Variants in PLXDC2 observed in about 807,000 individuals in gnomAD.
PLXDC2 encodes the protein plexin domain containing 2, also known as plexin domain-containing protein 2.
A neutral mutation model predicts 68.9 loss-of-function variants in PLXDC2; 40 were observed. The observed-to-expected ratio is 0.58, with a 90% CI of 0.45 to 0.76. The LOEUF (loss-of-function observed/expected upper bound fraction) is 0.76, where lower values mean the gene tolerates loss of function less well. Ranked by LOEUF, PLXDC2 falls within the 30% of genes least tolerant of loss-of-function variation. The pLI is 0.00. For synonymous variants in PLXDC2, 243 were observed against 234.2 expected (o/e 1.04, Z -0.34); for missense variants, 644 against 661.9 (o/e 0.97, Z 0.30).
chr10:20,227,474 A>C (rs930245560), intron 12 of PLXDC2, among the ~76,000 whole-genome samples: 1 of 152,180 alleles, frequency 6.6e-6, no homozygotes, highest in Non-Finnish European at 1.5e-5. Context: ...AAAGAGGTTC[A>C]GAAGCATGAA....
At chr10:20,261,971 C>T (rs1351724832) in intron 13 of PLXDC2, among the ~76,000 whole-genome samples, 1 of 152,188 alleles carries the variant, frequency 6.6e-6, no homozygotes, top group Non-Finnish European at 1.5e-5. Context: ...CTAGAAGCAG[C>T]CAGTGTGCAT....
chr10:20,219,145 G>T (rs1251862688), intron 12 of PLXDC2, 43 bp downstream of exon 12: 42 of 1,562,096 alleles, frequency 2.7e-5, no homozygotes, highest in Non-Finnish European at 3.7e-5. Flanking sequence ...TTTTAAATAT[G>T]AATTCATTTC....
chr10:20,183,520 T>C (rs1286861914), intron 9 of PLXDC2, among the ~76,000 whole-genome samples: 1 of 151,906 alleles, frequency 6.6e-6, no homozygotes, highest in Non-Finnish European at 1.5e-5. Context: ...CTGTTACTGT[T>C]TATTATGGAC....
At chr10:19,950,614 T>C (rs1833976440) in intron 1 of PLXDC2, among the ~76,000 whole-genome samples, 1 of 152,198 alleles carries the variant, frequency 6.6e-6, no homozygotes, top group Non-Finnish European at 1.5e-5. Flanking sequence ...CCTATGAAAC[T>C]ACCAATGACA....
rs187134814 is a variant in PLXDC2 at position 20,204,942 on chromosome 10, G to A, written c.1062-6727G>A. On this transcript the variant is annotated intron_variant, in intron 9 of 13. Transcript: ENST00000377252. ...AAATTCTTCATGGATGTTTCATTTCGCTGGTGGAATGAAACATGTTCAATT... is the reference window on the plus strand; with the variant it reads ...AAATTCTTCATGGATGTTTCATTTCACTGGTGGAATGAAACATGTTCAATT... Among the ~76,000 whole-genome samples, 10 of 152,160 alleles carry A rather than the reference G, an allele frequency of 6.6e-5. 1 individual carries two copies. In the South Asian group the frequency reaches 1.0e-3, roughly 16 times the overall value.
At chr10:20,192,728 A>G (rs1046610268) in intron 9 of PLXDC2, among the ~76,000 whole-genome samples, 1 of 152,106 alleles carries the variant, frequency 6.6e-6, no homozygotes, top group African/African-American at 2.4e-5. Context: ...TGATGTTAAC[A>G]TTTTAGAAAA....
At chr10:19,919,806 A>G (rs144977219) in intron 1 of PLXDC2, among the ~76,000 whole-genome samples, 1 of 152,348 alleles carries the variant, frequency 6.6e-6, no homozygotes, top group East Asian at 1.9e-4. Flanking sequence ...ACACAACACA[A>G]CAAGGTGATT....
rs1275784659 is a variant in PLXDC2, at chr10:20,082,056, AAAAAAATC to A, written c.541+13824_541+13831del. Among the ~76,000 whole-genome samples the A allele has an allele frequency of 5.9e-4, 84 of 142,006 alleles. 13 individuals carry two copies. The highest frequency in any genetic ancestry group is 1.6e-3 in the African/African-American group (62 of 37,838). The allele number at this position is 142,006 out of a possible 152,430, so 93.2% of individuals were successfully genotyped here. ...GTGAAACTCCATCTGAAAAAAAAAA[AAAAAAATC>A]AAAAAAAAAAAACAGGAGAAGTCTG... On this transcript the variant is annotated intron_variant, in intron 4 of 13. Transcript: ENST00000377252.
intron 1 of PLXDC2, among the ~76,000 whole-genome samples, chr10:19,955,598 T>C (rs1349693201): frequency 6.6e-6 from 1 of 152,054 alleles, no homozygotes; most frequent in African/African-American, 2.4e-5. Context: ...TAATATACAA[T>C]GGTTTTAGGG....
At chr10:19,819,677 CT>C (rs1836428171) in intron 1 of PLXDC2, among the ~76,000 whole-genome samples, 1 of 152,150 alleles carries the variant, frequency 6.6e-6, no homozygotes, top group Non-Finnish European at 1.5e-5. Context: ...ATTCCCTTTT[CT>C]GTTTTAGAGG....
At chr10:20,125,086 A>T (rs891183246) in intron 4 of PLXDC2, among the ~76,000 whole-genome samples, 5 of 152,138 alleles carry the variant, frequency 3.3e-5, no homozygotes, top group African/African-American at 1.2e-4. Flanking sequence ...AATCCAAAAC[A>T]TTTAACAGCT....
At chr10:20,179,767 T>C (rs61404822) in intron 9 of PLXDC2, among the ~76,000 whole-genome samples, 1 of 152,246 alleles carries the variant, frequency 6.6e-6, no homozygotes, top group African/African-American at 2.4e-5. Context: ...GAGATGTCTC[T>C]GCCAGACATT....
intron 1 of PLXDC2, among the ~76,000 whole-genome samples, chr10:19,877,183 A>G (rs1306218998): frequency 6.6e-6 from 1 of 151,744 alleles, no homozygotes; most frequent in Non-Finnish European, 1.5e-5. Context: ...GTGAAGTGAG[A>G]TAGAATGAGG....
chr10:20,128,728 C>G (rs531544205), intron 4 of PLXDC2, among the ~76,000 whole-genome samples: 5 of 152,198 alleles, frequency 3.3e-5, no homozygotes, highest in Admixed American at 2.0e-4. Flanking sequence ...TTTTTTGATT[C>G]TACATATAGT....
At chr10:19,921,802 G>A (rs1833465530) in intron 1 of PLXDC2, among the ~76,000 whole-genome samples, 1 of 152,118 alleles carries the variant, frequency 6.6e-6, no homozygotes, top group Non-Finnish European at 1.5e-5. Context: ...CAAGCCCAGT[G>A]TATTAGGGCC....
At chr10:20,202,548 C>A (rs1040309947) in intron 9 of PLXDC2, among the ~76,000 whole-genome samples, 2 of 150,496 alleles carry the variant, frequency 1.3e-5, no homozygotes, top group African/African-American at 4.9e-5. Context: ...TTGTGTAAGT[C>A]AATACACACC....
intron 3 of PLXDC2, among the ~76,000 whole-genome samples, chr10:20,066,937 G>T (rs974829267): frequency 1.3e-5 from 2 of 152,066 alleles, no homozygotes; most frequent in African/African-American, 4.8e-5. Flanking sequence ...CTCTCAACCA[G>T]CTAATTACTT....
chr10:19,971,972 G>A (rs1834362726), intron 1 of PLXDC2, among the ~76,000 whole-genome samples: 1 of 152,146 alleles, frequency 6.6e-6, no homozygotes. Context: ...GAGATCCTAG[G>A]AACAGGGAGT....
At chr10:20,162,444 A>G (rs1834312731) in intron 6 of PLXDC2, among the ~76,000 whole-genome samples, 1 of 152,148 alleles carries the variant, frequency 6.6e-6, no homozygotes. Context: ...CTGAACTCAC[A>G]GAAGTTGGAG....
Sources: allele counts gnomAD v4.1 joint callset (sites outside exome capture counted in the v4.1 genomes callset), GRCh38; gene constraint gnomAD v4.1.1; transcripts MANE v1.5; gene names NCBI Gene and HGNC (gene_info 2026-07-23, HGNC 2026-07-21).